Variants in HEATR4 observed in about 807,000 individuals in gnomAD.
HEATR4 encodes HEAT repeat-containing protein 4.
HEATR4 carries 95 observed loss-of-function variants against 108.8 expected under a neutral mutation model. The ratio of observed to expected loss-of-function variants is 0.87; its 90% CI spans 0.74 to 1.04. The LOEUF is 1.04. HEATR4 is among the 50% of genes least tolerant of loss of function. The pLI is 0.00. For synonymous variants in HEATR4, 443 were observed against 459.4 expected (o/e 0.96, Z 0.46); for missense variants, 1,152 against 1,253.8 (o/e 0.92, Z 1.23).
At chr14:73,508,767 A>AAG (rs1555390873) in intron 8 of HEATR4, among the ~76,000 whole-genome samples, 1 of 151,654 alleles carries the variant, frequency 6.6e-6, no homozygotes, top group African/African-American at 2.4e-5. Context: ...AAAAAAAAAA[A>AAG]AAAAAAAAAA....
At chr14:73,602,860 C>T in the HEATR4 span, among the ~76,000 whole-genome samples, 1 of 152,100 alleles carries the variant, frequency 6.6e-6, no homozygotes, top group Non-Finnish European at 1.5e-5. Context: ...TTCAGGGGCC[C>T]TCTGTAGCAT....
chr14:73,564,164 G>T, the HEATR4 span, among the ~76,000 whole-genome samples: 1 of 151,814 alleles, frequency 6.6e-6, no homozygotes, highest in East Asian at 1.9e-4. Context: ...TGGCCGTGGT[G>T]GCATGTGACT....
chr14:73,632,801 G>T, the HEATR4 span, among the ~76,000 whole-genome samples: 3 of 139,536 alleles, frequency 2.1e-5, no homozygotes, highest in African/African-American at 8.2e-5. Context: ...CCAAGATCAC[G>T]CCATTGCACT....
chr14:73,632,707 A>G, the HEATR4 span, among the ~76,000 whole-genome samples: 1 of 151,628 alleles, frequency 6.6e-6, no homozygotes, highest in African/African-American at 2.4e-5. Flanking sequence ...AGCCAGATGC[A>G]GTGGTTTGCG....
At chr14:73,496,266 T>C (rs1216742642) in intron 15 of HEATR4, among the ~76,000 whole-genome samples, 1 of 152,152 alleles carries the variant, frequency 6.6e-6, no homozygotes, top group African/African-American at 2.4e-5. Flanking sequence ...TCCTTCTCTA[T>C]GCCTATTTGA....
the HEATR4 span, among the ~76,000 whole-genome samples, chr14:73,575,871 G>A: frequency 6.6e-6 from 1 of 152,076 alleles, no homozygotes; most frequent in Admixed American, 6.6e-5. Flanking sequence ...GTATAAGTGA[G>A]CCAGGCGTGG....
chr14:73,478,813 C>T lies in HEATR4; in HGVS notation c.2874G>A (p.Trp958Ter), dbSNP rs1167112575. The change falls in exon 18 of 18, where the codon TGG becomes TGA. Residue 958 changes from tryptophan to a stop codon, truncating the protein, a stop_gained. Coordinates refer to ENST00000553558, the MANE Select transcript of HEATR4 (RefSeq NM_001220484.1). LOFTEE classifies it low-confidence loss of function (END_TRUNC). The stretch of plus-strand genomic sequence containing the variant: ...TTAGGCCTGGGACTGAACTTTGTAA[C>T]CAGGGATTTGGTGCGCGGGGCTTCA... The part of the protein sequence containing the change: ...KPVKPRAPNP[W>*]LQSSVPGLTT... The T allele has an allele frequency of 6.2e-7, 1 of 1,609,504 alleles. No homozygotes were observed. Among genetic ancestry groups the T allele is most frequent in the African/African-American group, 1.3e-5 (1 of 74,588 alleles).
the HEATR4 span, chr14:73,573,705 C>G: frequency 4.0e-6 from 5 of 1,240,726 alleles, no homozygotes; most frequent in Admixed American, 7.9e-5. Flanking sequence ...CCAACACACA[C>G]TACCTTTTTT....
chr14:73,610,685 A>G, the HEATR4 span, among the ~76,000 whole-genome samples: 1 of 152,156 alleles, frequency 6.6e-6, no homozygotes, highest in African/African-American at 2.4e-5. Flanking sequence ...TAAAGGAGGT[A>G]TCTGGGTTGG....
At chr14:73,612,889 G>A in the HEATR4 span, 1 of 1,386,966 alleles carries the variant, frequency 7.2e-7, no homozygotes. Context: ...CCGTGGAGCT[G>A]GAAGTGCTGG....
chr14:73,576,908 C>G, the HEATR4 span, among the ~76,000 whole-genome samples: 2 of 141,600 alleles, frequency 1.4e-5, no homozygotes, highest in African/African-American at 2.6e-5. Context: ...GAAAAAAAAC[C>G]TTAATTTATT....
intron 9 of HEATR4, 21 bp downstream of exon 9, chr14:73,508,113 G>C (rs1298008145): frequency 6.2e-7 from 1 of 1,610,746 alleles, no homozygotes; most frequent in Non-Finnish European, 8.5e-7. Context: ...AACTGTGTCT[G>C]ACCCGGTAAT....
chr14:73,556,539 A>T (rs1319701851), intron 1 of HEATR4, among the ~76,000 whole-genome samples: 6 of 115,010 alleles, frequency 5.2e-5, no homozygotes, highest in African/African-American at 1.7e-4. Flanking sequence ...TGGGGACAGA[A>T]CAAAATGTTA....
rs542213911 is a variant in HEATR4, at chr14:73,502,189, G to C, written c.2105+706C>G. Among the ~76,000 whole-genome samples the C allele has an allele frequency of 4.3e-4, 65 of 151,860 alleles. No individual in the cohort carries two copies. The South Asian group carries it at 0.013, about 31-fold the overall frequency. The stretch of plus-strand genomic sequence containing the variant: ...GATTACAGGCGTGTGCCACTGGGCT[G>C]GGCCTCCTGTGCAGTCTTATCCACC... On this transcript the variant is annotated intron_variant, in intron 11 of 17. Transcript: ENST00000553558.
chr14:73,538,784 A>G (rs60444347), intron 1 of HEATR4, among the ~76,000 whole-genome samples: 6,041 of 112,980 alleles, frequency 0.053, 1,525 homozygotes, highest in African/African-American at 0.17. Context: ...CCTGGCCAAC[A>G]TGGTGAAACC....
the HEATR4 span, chr14:73,581,492 T>G: frequency 3.3e-5 from 5 of 151,972 alleles, no homozygotes; most frequent in African/African-American, 9.7e-5. Flanking sequence ...TCTCAGGGGC[T>G]CCAGGCCTCA....
intron 17 of HEATR4, among the ~76,000 whole-genome samples, chr14:73,482,123 C>CGG (rs1346731076): frequency 2.6e-5 from 4 of 152,056 alleles, no homozygotes; most frequent in African/African-American, 4.8e-5. Flanking sequence ...CACTGGCTCA[C>CGG]GCCTGTAATC....
intron 16 of HEATR4, 76 bp downstream of exon 16, chr14:73,495,152 A>G: frequency 2.2e-6 from 3 of 1,344,210 alleles, no homozygotes; most frequent in South Asian, 2.8e-5. Context: ...CTTGCTACTA[A>G]GTCCCAAAAC....
In HEATR4 at chr14:73,482,208, A is replaced by T. The variant is rs186469159; in HGVS notation, c.2845-3366T>A. On this transcript the variant is annotated intron_variant, in intron 17 of 17. Coordinates refer to ENST00000553558, the MANE Select transcript of HEATR4 (RefSeq NM_001220484.1). ...TGAGACCAGCCTGGCCAACATGGTG[A>T]AACCCAGTCTCTACTAAAAATACAA... Among the ~76,000 whole-genome samples the T allele has an allele frequency of 9.1e-3, 1,378 of 152,000 alleles. 26 individuals are homozygous for T. Among genetic ancestry groups the T allele is most frequent in the African/African-American group, 0.032 (1,310 of 41,436 alleles).
Sources: gnomAD v4.1 joint callset for allele counts (sites outside exome capture counted in the v4.1 genomes callset) on GRCh38, gnomAD v4.1.1 for gene constraint, MANE v1.5 for transcripts, NCBI Gene and HGNC (gene_info 2026-07-23, HGNC 2026-07-21) for gene names.